The following GPRIN2 variants were observed in gnomAD, a reference collection of about 807,000 sequenced individuals.
The protein encoded by GPRIN2 is G protein regulated inducer of neurite outgrowth 2, also known as G protein-regulated inducer of neurite outgrowth 2.
A neutral mutation model predicts 0.3 loss-of-function variants in GPRIN2; 1 was observed. The observed-to-expected ratio is 3.90, with a 90% CI of 1.39 to 18.51. The LOEUF (loss-of-function observed/expected upper bound fraction) is 18.51. Among genes scored for constraint, GPRIN2 ranks in the 30% most tolerant of loss-of-function variants. The probability of loss-of-function intolerance (pLI) is 0.11; values close to 1 mark genes in which losing one functional copy is unlikely to be tolerated. For synonymous variants in GPRIN2, 361 were observed against 258.6 expected (o/e 1.40, Z -3.80); for missense variants, 880 against 604.2 (o/e 1.46, Z -4.79).
chr10:46,550,924 G>T (rs1832230381), intron 2 of GPRIN2, among the ~76,000 whole-genome samples, 182 bp from the exon 3 acceptor site: 572 of 152,068 alleles, frequency 3.8e-3, no homozygotes, highest in African/African-American at 0.013. Flanking sequence ...TCAAATCAAG[G>T]TCATCTCACA....
chr10:46,550,529 C>A lies in GPRIN2; in HGVS notation c.208G>T (p.Glu70Ter). ...GAGGCCCGTGCTGGCTTCATGCTCT[C>A]AGGCGGGTTCCCCTCTTCCTCCGGG... ...QAPEEEGNPP[E>*]SMKPARASGP... The change falls in exon 3 of 3, where the codon GAG (glutamate) becomes TAG (stop). Residue 70 changes from glutamate (E) to a stop codon, truncating the protein, a stop_gained. Transcript: ENST00000374314. LOFTEE classifies it low-confidence loss of function (END_TRUNC). 6.3e-7 allele frequency: 1 copy of A among 1,595,528 alleles called. No homozygotes were observed.
chr10:46,555,897 C>T (rs966944778), intron 1 of GPRIN2, among the ~76,000 whole-genome samples: 1 of 152,310 alleles, frequency 6.6e-6, no homozygotes, highest in African/African-American at 2.4e-5. Context: ...ACTCTGCACG[C>T]CAAGCACAGG....
Position 46,545,267 on chromosome 10 carries a change from A to AACCT in GPRIN2, c.*4089_*4092dup. ...AAATAGGCCCTACGACTCCAGCAGA[A>AACCT]ACCTACCCTGGGGCTCCTAGAGCTT... On this transcript the variant is annotated 3_prime_UTR_variant, in exon 3 of 3. Coordinates refer to ENST00000374314, the MANE Select transcript of GPRIN2 (RefSeq NM_001385282.1). 6.6e-6 allele frequency among the ~76,000 whole-genome samples: 1 copy of AACCT among 152,426 alleles called. No individual in the cohort carries two copies. Among genetic ancestry groups the AACCT allele is most frequent in the South Asian group, 2.1e-4 (1 of 4,834 alleles).
rs1178257054 is a variant in GPRIN2 at position 46,549,419 on chromosome 10, C to T, written c.1318G>A (p.Val440Ile). 48 of 1,563,172 alleles carry T rather than the reference C, an allele frequency of 3.1e-5. No individual in the cohort carries two copies. The highest frequency in any genetic ancestry group is 4.0e-5 in the Non-Finnish European group (46 of 1,156,140). Residue 440 changes from valine to isoleucine, a missense_variant, in exon 3 of 3, where the codon GTC (valine) becomes ATC (isoleucine). Transcript: ENST00000374314. Reference protein sequence around the residue: ...VEGRRGPLRAVMQSLRRPSCC... With the variant: ...VEGRRGPLRAIMQSLRRPSCC... ...CTGGGGCGCCGCAGGGACTGCATGACAGCCCGCAGTGGCCCCCTCCGGCCC... is the reference window on the plus strand; with the variant it reads ...CTGGGGCGCCGCAGGGACTGCATGATAGCCCGCAGTGGCCCCCTCCGGCCC...
In GPRIN2 at chr10:46,549,345, A is replaced by G; in HGVS notation, c.*15T>C. The G allele has an allele frequency of 6.8e-7, 1 of 1,463,608 alleles. No individual in the cohort carries two copies. The highest frequency in any genetic ancestry group is 9.0e-7 in the Non-Finnish European group (1 of 1,109,396). The allele number at this position is 1,463,608 out of a possible 1,614,324, so 90.7% of individuals were successfully genotyped here. A position where few individuals can be genotyped will look rare whatever the true frequency, so the allele number is the denominator to read the frequency against. On this transcript the variant is annotated 3_prime_UTR_variant, in exon 3 of 3. Coordinates refer to ENST00000374314, the MANE Select transcript of GPRIN2 (RefSeq NM_001385282.1). ...AAGTCAGTGGGCCCAGGCCAGCTCC[A>G]AGGGCCACAGCTCCTCACTCGGGGG...
In GPRIN2 at chr10:46,543,959, C is replaced by CTT. The variant is rs1179189843; in HGVS notation, c.*5399_*5400dup. ...ATGGGCCCACGTCACTTTGGTTTCG[C>CTT]TTGTTTTTTTTTTTAGTAAACATCA... On this transcript the variant is annotated 3_prime_UTR_variant, in exon 3 of 3. Coordinates refer to ENST00000374314, the MANE Select transcript of GPRIN2 (RefSeq NM_001385282.1). 6.7e-6 allele frequency among the ~76,000 whole-genome samples: 1 copy of CTT among 149,734 alleles called. No individual in the cohort carries two copies. The highest frequency in any genetic ancestry group is 1.5e-5 in the Non-Finnish European group (1 of 67,482).
intron 2 of GPRIN2, among the ~76,000 whole-genome samples, chr10:46,553,918 C>CT (rs1325077357): frequency 6.6e-6 from 1 of 152,302 alleles, no homozygotes; most frequent in Non-Finnish European, 1.5e-5. Context: ...TGTCACAGTG[C>CT]TGTGGACTGG....
chr10:46,557,146 C>G (rs1282321530), upstream of GPRIN2, among the ~76,000 whole-genome samples: 1 of 152,124 alleles, frequency 6.6e-6, no homozygotes, highest in Non-Finnish European at 1.5e-5. Flanking sequence ...TTCTCTGGCT[C>G]CAGATCCCGC....
At position 46,543,193 on chromosome 10, in the gene GPRIN2, G is replaced by A. The variant is rs1833040980; in HGVS notation, c.*6167C>T. 9.3e-4 allele frequency among the ~76,000 whole-genome samples: 142 copies of A among 152,316 alleles called. No homozygotes were observed. Among genetic ancestry groups the A allele is most frequent in the African/African-American group, 3.2e-3 (132 of 41,504 alleles). The stretch of plus-strand genomic sequence containing the variant: ...GCCTAGACCCATGTAAATCACAAAT[G>A]CCAAGACCCAGACACAGCCACAGCT... On this transcript the variant is annotated 3_prime_UTR_variant, in exon 3 of 3. Coordinates refer to ENST00000374314, the MANE Select transcript of GPRIN2 (RefSeq NM_001385282.1).
Position 46,549,457 on chromosome 10 carries a change from C to T in GPRIN2, c.1280G>A (p.Ser427Asn), listed in dbSNP as rs1842447828. The T allele has an allele frequency of 3.1e-6, 5 of 1,609,286 alleles. No individual in the cohort carries two copies. In the Admixed American group the frequency reaches 6.7e-5, roughly 22 times the overall value. ...CCCCCTCCGGCCCTCCACAGACAGG[C>T]TGTCCTCGCTGGCGGGCGCCCGCTG... ...QLQRAPASEDSLSVEGRRGPL... is the reference protein window; with the variant it reads ...QLQRAPASEDNLSVEGRRGPL... The change falls in exon 3 of 3, where the codon AGC becomes AAC. Residue 427 changes from serine to asparagine, a missense_variant. Physicochemically the swap from Ser to Asn is conservative, Grantham distance 46 (BLOSUM62 1). Transcript: ENST00000374314.
rs1832852893 is a variant in GPRIN2, at chr10:46,547,411, C to G, written c.*1949G>C. 6.8e-3 allele frequency among the ~76,000 whole-genome samples: 1,035 copies of G among 151,658 alleles called. No individual in the cohort carries two copies. The highest frequency in any genetic ancestry group is 0.011 in the Non-Finnish European group (756 of 67,454). ...CTTTCCTCATTTACATCAGGATCTT[C>G]ACAATGGGGACCCCTGGTCACCTCC... is the stretch of plus-strand genomic sequence containing the variant. On this transcript the variant is annotated 3_prime_UTR_variant, in exon 3 of 3. Transcript: ENST00000374314.
chr10:46,549,816 G>T lies in GPRIN2; in HGVS notation c.921C>A (p.Gly307=). 2 of 1,614,088 alleles carry T rather than the reference G, an allele frequency of 1.2e-6. No individual in the cohort carries two copies. Among genetic ancestry groups the T allele is most frequent in the Non-Finnish European group, 1.7e-6 (2 of 1,180,056 alleles). The change falls in exon 3 of 3, where the codon GGC becomes GGA. Residue 307 remains glycine, a synonymous_variant. Coordinates refer to ENST00000374314, the MANE Select transcript of GPRIN2 (RefSeq NM_001385282.1). ...WGPAGLVPEP[G]SRTKDVWTMT... ...TGGTCCACACATCTTTGGTCCTAGA[G>T]CCAGGCTCTGGGACTAACCCAGCGG...
upstream of GPRIN2, among the ~76,000 whole-genome samples, chr10:46,557,036 G>A (rs1337487895): frequency 1.5e-4 from 3 of 20,188 alleles, no homozygotes; most frequent in African/African-American, 2.2e-4. Flanking sequence ...AGTGCCCCTC[G>A]CTCCAGTTCC....
intron 2 of GPRIN2, among the ~76,000 whole-genome samples, chr10:46,552,246 G>A (rs1842696679): frequency 6.6e-6 from 1 of 152,312 alleles, no homozygotes; most frequent in Non-Finnish European, 1.5e-5. Flanking sequence ...CATATGAGGG[G>A]AGCAGTGGGG....
Position 46,545,722 on chromosome 10 carries a change from A to C in GPRIN2, c.*3638T>G, listed in dbSNP as rs1359108764. ...CTGGCAGGGTAAGAGGTGGCCCCTGAATGTGGCTATGAGAGGGGTGCCCAA... is the reference window on the plus strand; with the variant it reads ...CTGGCAGGGTAAGAGGTGGCCCCTGCATGTGGCTATGAGAGGGGTGCCCAA... On this transcript the variant is annotated 3_prime_UTR_variant, in exon 3 of 3. Transcript: ENST00000374314. Among the ~76,000 whole-genome samples, 1 of 152,310 alleles carries C rather than the reference A, an allele frequency of 6.6e-6. No individual in the cohort carries two copies. The highest frequency in any genetic ancestry group is 1.5e-5 in the Non-Finnish European group (1 of 68,058).
chr10:46,556,020 G>C (rs933100755), intron 1 of GPRIN2, among the ~76,000 whole-genome samples: 1 of 152,306 alleles, frequency 6.6e-6, no homozygotes, highest in East Asian at 1.9e-4. Flanking sequence ...AGGGAGAAGG[G>C]GGCTCAATAC....
intron 1 of GPRIN2, among the ~76,000 whole-genome samples, 30 bp downstream of exon 1, chr10:46,556,468 C>T (rs1005631749): frequency 3.2e-4 from 48 of 152,374 alleles, no homozygotes; most frequent in Admixed American, 8.5e-4. Flanking sequence ...CCCCCCGCCC[C>T]AACGGGAGCG....
In GPRIN2 at chr10:46,550,054, G is replaced by A. The variant is rs1555018911; in HGVS notation, c.683C>T (p.Ala228Val). Residue 228 changes from alanine (A) to valine (V), a missense_variant, in exon 3 of 3, where the codon GCT (alanine) becomes GTT (valine). By Grantham distance (64) the Ala-to-Val change is moderately conservative. Transcript: ENST00000374314. ...AEQLATTTCH[A>V]LPPAALLCGM... ...ACAGAGTAGAGCAGCTGGGGGCAGAGCATGGCAGGTGGTGGTAGCCAGCTG... is the reference window on the plus strand; with the variant it reads ...ACAGAGTAGAGCAGCTGGGGGCAGAACATGGCAGGTGGTGGTAGCCAGCTG... 1 of 1,613,830 alleles carries A rather than the reference G, an allele frequency of 6.2e-7. No individual in the cohort carries two copies. Among genetic ancestry groups the A allele is most frequent in the Non-Finnish European group, 8.5e-7 (1 of 1,179,914 alleles).
chr10:46,551,894 A>T (rs1842655268), intron 2 of GPRIN2, among the ~76,000 whole-genome samples: 1 of 152,312 alleles, frequency 6.6e-6, no homozygotes, highest in African/African-American at 2.4e-5. Context: ...GCCTCCCCAC[A>T]GGCCTGAAGT....
Sources: gnomAD v4.1 joint callset for allele counts (sites outside exome capture counted in the v4.1 genomes callset) on GRCh38, gnomAD v4.1.1 for gene constraint, MANE v1.5 for transcripts, NCBI Gene and HGNC (gene_info 2026-07-23, HGNC 2026-07-21) for gene names.